The following AHDC1 variants were observed in gnomAD, a reference collection of about 807,000 sequenced individuals.
AHDC1 encodes transcription factor Gibbin.
Under a neutral mutation model 87.9 loss-of-function variants are expected in AHDC1, and 7 were observed. That is an observed-to-expected ratio of 0.08 (90% CI 0.05 to 0.15). The LOEUF (loss-of-function observed/expected upper bound fraction) is 0.15, where lower values mean the gene tolerates loss of function less well. AHDC1 is among the 10% of genes least tolerant of loss of function. AHDC1 has a pLI of 1.00. For synonymous variants in AHDC1, 1,051 were observed against 1,006.8 expected (o/e 1.04, Z -0.83); for missense variants, 1,841 against 2,253.2 (o/e 0.82, Z 3.70).
chr1:27,576,634 C>T (rs908783049), intron 3 of AHDC1, among the ~76,000 whole-genome samples: 6 of 152,210 alleles, frequency 3.9e-5, no homozygotes, highest in African/African-American at 1.4e-4. Flanking sequence ...CCACTGAACA[C>T]AGTGTTCACC....
chr1:27,555,742 C>T (rs978702746), intron 5 of AHDC1, among the ~76,000 whole-genome samples: 3 of 148,704 alleles, frequency 2.0e-5, no homozygotes, highest in African/African-American at 7.3e-5. Flanking sequence ...GAGGGTCAGG[C>T]TAGCCGAGCC....
At chr1:27,584,553 A>C (rs1332206494) in intron 3 of AHDC1, among the ~76,000 whole-genome samples, 1 of 152,162 alleles carries the variant, frequency 6.6e-6, no homozygotes, top group Non-Finnish European at 1.5e-5. Context: ...TTGAGAATTG[A>C]CCACACCTAT....
rs774383945 is a variant in AHDC1 at position 27,547,514 on chromosome 1, G to T, written c.4602C>A (p.Ala1534=). The part of the protein sequence containing the change: ...PPGPPRGPAA[A]AAGYGCPLLS... Reference sequence around the variant, plus strand: ...GGAGTGGGCAGCCATAGCCAGCAGCGGCTGCAGCAGGGCCACGGGGTGGGC... The same window carrying T: ...GGAGTGGGCAGCCATAGCCAGCAGCTGCTGCAGCAGGGCCACGGGGTGGGC... The change falls in exon 8 of 9, where the codon GCC becomes GCA. Residue 1534 remains alanine (A), a synonymous_variant. Coordinates refer to ENST00000673934, the MANE Select transcript of AHDC1 (RefSeq NM_001371928.1). The surrounding 1 kb of genome is among the most constrained non-coding windows in gnomAD (Gnocchi z 4.9). 2 of 1,609,032 alleles carry T rather than the reference G, an allele frequency of 1.2e-6. No homozygotes were observed. The highest frequency in any genetic ancestry group is 1.7e-6 in the Non-Finnish European group (2 of 1,177,138).
Position 27,599,370 on chromosome 1 carries a change from C to A in AHDC1, c.-629+4027G>T, listed in dbSNP as rs149840652. ...GTTTCCCCTCCTCTCTCGCCTCCCT[C>A]CCTCTCTCTCCCGGCAGCAGCGGCG... On this transcript the variant is annotated intron_variant, in intron 3 of 8. Transcript: ENST00000673934. Among the ~76,000 whole-genome samples, 375 of 152,266 alleles carry A rather than the reference C, an allele frequency of 2.5e-3. 3 individuals carry two copies. Among genetic ancestry groups the A allele is most frequent in the African/African-American group, 8.6e-3 (356 of 41,554 alleles).
At chr1:27,536,096 C>T (rs187860803) in intron 8 of AHDC1, among the ~76,000 whole-genome samples, 42 of 152,344 alleles carry the variant, frequency 2.8e-4, no homozygotes, top group African/African-American at 9.6e-4. Flanking sequence ...AGGAGCCCAT[C>T]CGTCCTCCCC....
rs768617792 is a variant in AHDC1 at position 27,549,375 on chromosome 1, A to G, written c.2741T>C (p.Val914Ala). Residue 914 changes from valine to alanine, a missense_variant, in exon 8 of 9, where the codon GTC becomes GCC. Around this residue, in one of 13 missense-constraint regions of AHDC1, gnomAD observed 378 missense variants for 399.0 expected, o/e 0.95. Coordinates refer to ENST00000673934, the MANE Select transcript of AHDC1 (RefSeq NM_001371928.1). ...TGGGAAGGTCTGGCGCGCGGACAGGACAGGCTGAAAGGAGGGGTCCGCCCC... is the reference window on the plus strand; with the variant it reads ...TGGGAAGGTCTGGCGCGCGGACAGGGCAGGCTGAAAGGAGGGGTCCGCCCC... ...GAGADPSFQP[V>A]LSARQTFPPG... The G allele has an allele frequency of 1.9e-6, 3 of 1,612,966 alleles. No homozygotes were observed. Among genetic ancestry groups the G allele is most frequent in the Non-Finnish European group, 2.5e-6 (3 of 1,179,854 alleles).
Position 27,562,599 on chromosome 1 carries a change from G to A in AHDC1, c.-628-3716C>T, listed in dbSNP as rs997604413. 6.6e-6 allele frequency among the ~76,000 whole-genome samples: 1 copy of A among 152,096 alleles called. No individual in the cohort carries two copies. The highest frequency in any genetic ancestry group is 1.5e-5 in the Non-Finnish European group (1 of 67,994). ...CCCTCCCCCTGGGGAACAGTCCCAC[G>A]GGCTGACATATGGGTGAGAGGGTAG... is the stretch of plus-strand genomic sequence containing the variant. On this transcript the variant is annotated intron_variant, in intron 3 of 8. Transcript: ENST00000673934. The surrounding 1 kb of genome is among the most constrained non-coding windows in gnomAD (Gnocchi z 4.4).
In AHDC1 at chr1:27,603,449, G is replaced by A. The variant is rs1332821615; in HGVS notation, c.-681C>T. On this transcript the variant is annotated 5_prime_UTR_variant, in exon 3 of 9. Coordinates refer to ENST00000673934, the MANE Select transcript of AHDC1 (RefSeq NM_001371928.1). ...GTCCGAGCCAGGCGAGGGGTTTTGG[G>A]GGACGTCTGTCTTCCGGCGGTGGCA... is the stretch of plus-strand genomic sequence containing the variant. The A allele has an allele frequency of 6.5e-6, 1 of 152,868 alleles. No individual in the cohort carries two copies. The highest frequency in any genetic ancestry group is 2.4e-5 in the African/African-American group (1 of 41,458). The allele number at this position is 152,868 out of a possible 1,614,324, so 9.5% of individuals were successfully genotyped here.
At chr1:27,589,378 T>G (rs531756069) in intron 3 of AHDC1, among the ~76,000 whole-genome samples, 6 of 152,276 alleles carry the variant, frequency 3.9e-5, no homozygotes, top group African/African-American at 1.4e-4. Flanking sequence ...TTTCTGGGCC[T>G]TTGTCTCAGT....
intron 8 of AHDC1, among the ~76,000 whole-genome samples, chr1:27,545,637 C>T (rs1486028488): frequency 6.6e-6 from 1 of 152,064 alleles, no homozygotes; most frequent in Non-Finnish European, 1.5e-5. Flanking sequence ...GCAGTTTCTC[C>T]CTGGCCTGCT....
rs757649278 is a variant in AHDC1, at chr1:27,549,524, G to A, written c.2592C>T (p.Ser864=). ...DFALSASRPE[S]RKASGTYAGP... ...CTGCATAGGTGCCCGATGCCTTCCG[G>A]GACTCTGGGCGAGAGGCTGAGAGGG... The change falls in exon 8 of 9, where the codon TCC becomes TCT. Residue 864 remains serine, a synonymous_variant. Transcript: ENST00000673934. The A allele has an allele frequency of 4.3e-6, 7 of 1,613,330 alleles. No individual in the cohort carries two copies. The highest frequency in any genetic ancestry group is 4.5e-5 in the East Asian group (2 of 44,884).
In AHDC1 at chr1:27,551,638, G is replaced by A. The variant is rs1443802544; in HGVS notation, c.478C>T (p.Pro160Ser). The A allele has an allele frequency of 6.2e-7, 1 of 1,613,604 alleles. No homozygotes were observed. Among genetic ancestry groups the A allele is most frequent in the African/African-American group, 1.3e-5 (1 of 74,904 alleles). ...LRLSRPPAPP[P>S]GDLQYSFFSS... ...AAGAAGCTGTACTGTAGGTCGCCGG[G>A]TGGCGGTGCAGGCGGGCGGCTCAGT... is the stretch of plus-strand genomic sequence containing the variant. Residue 160 changes from proline to serine, a missense_variant, in exon 8 of 9, where the codon CCC (proline) becomes TCC (serine). Pro to Ser is a moderately conservative substitution (Grantham distance 74). This residue lies in a region of AHDC1 where 50 missense variants were observed against 104.3 expected (regional missense o/e 0.48). Coordinates refer to ENST00000673934, the MANE Select transcript of AHDC1 (RefSeq NM_001371928.1).
intron 3 of AHDC1, among the ~76,000 whole-genome samples, chr1:27,586,105 A>G (rs998529870): frequency 3.9e-5 from 6 of 152,078 alleles, no homozygotes; most frequent in Admixed American, 6.5e-5. Flanking sequence ...CCCAACTTCA[A>G]AAGTTTCCCC....
At chr1:27,572,426 G>A (rs1026921520) in intron 3 of AHDC1, among the ~76,000 whole-genome samples, 1 of 152,120 alleles carries the variant, frequency 6.6e-6, no homozygotes, top group African/African-American at 2.4e-5. Context: ...AACACCACCG[G>A]ATGGTCCCAG....
At position 27,547,389 on chromosome 1, in the gene AHDC1, C is replaced by A; in HGVS notation, c.4727G>T (p.Gly1576Val). 6.4e-7 allele frequency: 1 copy of A among 1,562,186 alleles called. No homozygotes were observed. Residue 1576 changes from glycine (G) to valine (V), a missense_variant, in exon 8 of 9, where the codon GGC becomes GTC. Transcript: ENST00000673934. The surrounding 1 kb of genome is among the most constrained non-coding windows in gnomAD (Gnocchi z 4.9). Reference protein sequence around the residue: ...YPGFMPQAHPGLGGGPKSGFL... With the variant: ...YPGFMPQAHPVLGGGPKSGFL... ...GCCGCTCTTGGGGCCCCCACCCAGG[C>A]CAGGATGCGCCTGGGGCATAAAGCC...
At chr1:27,577,307 T>C (rs957607861) in intron 3 of AHDC1, among the ~76,000 whole-genome samples, 2 of 152,228 alleles carry the variant, frequency 1.3e-5, no homozygotes, top group Admixed American at 1.3e-4. Flanking sequence ...GTTGCCCCAC[T>C]GCAGCCCTCT....
intron 3 of AHDC1, among the ~76,000 whole-genome samples, chr1:27,572,444 T>C (rs1222336474): frequency 2.6e-5 from 4 of 152,092 alleles, no homozygotes; most frequent in East Asian, 3.9e-4. Context: ...CAGTACAACC[T>C]GACATCTGAT....
chr1:27,583,370 T>C (rs1392135982), intron 3 of AHDC1, among the ~76,000 whole-genome samples: 2 of 152,180 alleles, frequency 1.3e-5, no homozygotes, highest in Non-Finnish European at 1.5e-5. Flanking sequence ...CTCCCCCATC[T>C]CTTTCAACTA....
At chr1:27,578,863 A>C (rs2088831165) in intron 3 of AHDC1, among the ~76,000 whole-genome samples, 1 of 151,504 alleles carries the variant, frequency 6.6e-6, no homozygotes, top group South Asian at 2.1e-4. Flanking sequence ...TGCCCAGCTA[A>C]TTTTTTGTAT....
Sources: gnomAD v4.1 joint callset for allele counts (sites outside exome capture counted in the v4.1 genomes callset) on GRCh38, gnomAD v4.1.1 for gene constraint, gnomAD v4.1.1 regional missense constraint, Gnocchi (gnomAD v3.1) non-coding constraint, MANE v1.5 for transcripts, NCBI Gene and HGNC (gene_info 2026-07-23, HGNC 2026-07-21) for gene names.